DCBLD1: variants seen among roughly 807,000 people sequenced by gnomAD.
DCBLD1 encodes the protein discoidin, CUB and LCCL domain containing 1, also known as discoidin, CUB and LCCL domain-containing protein 1.
Under a neutral mutation model 71.5 loss-of-function variants are expected in DCBLD1, and 57 were observed. The ratio of observed to expected loss-of-function variants is 0.80; its 90% CI spans 0.64 to 0.99. The LOEUF is 0.99. Among genes scored for constraint, DCBLD1 ranks in the 50% least tolerant of loss-of-function variants. DCBLD1 has a pLI of 0.00. For missense variants in DCBLD1, 891 were observed against 923.5 expected (o/e 0.96, Z 0.46); for synonymous variants, 380 against 363.8 (o/e 1.04, Z -0.51).
At chr6:117,547,430 G>A (rs1386379042) in intron 14 of DCBLD1, among the ~76,000 whole-genome samples, 1 of 152,078 alleles carries the variant, frequency 6.6e-6, no homozygotes, top group Non-Finnish European at 1.5e-5. Context: ...CTCTATAAAT[G>A]GGAGCTCCTG....
chr6:117,561,430 G>T (rs1259898524), intron 14 of DCBLD1: 1 of 223,198 alleles, frequency 4.5e-6, no homozygotes, highest in Non-Finnish European at 9.0e-6. Flanking sequence ...AGAATAACAT[G>T]GTTTCATGTC....
chr6:117,547,995 A>C lies in DCBLD1; in HGVS notation c.1704A>C (p.Ala568=), dbSNP rs904721121. 2.0e-5 allele frequency: 31 copies of C among 1,550,400 alleles called. No individual in the cohort carries two copies. The highest frequency in any genetic ancestry group is 2.4e-5 in the Non-Finnish European group (28 of 1,146,930). The change falls in exon 15 of 15, where the codon GCA becomes GCC. Residue 568 remains alanine, a synonymous_variant. Coordinates refer to ENST00000338728, the MANE Select transcript of DCBLD1 (RefSeq NM_001366458.2). ...FRPMDTDAEE[A]GVSTDAGGHY... is the part of the protein sequence containing the mutation. ...CCATGGACACGGATGCCGAGGAGGC[A>C]GGGGTGAGCACCGATGCCGGCGGCC...
At chr6:117,503,172 GA>G (rs1335418944) in intron 1 of DCBLD1, among the ~76,000 whole-genome samples, 1 of 135,172 alleles carries the variant, frequency 7.4e-6, no homozygotes, top group African/African-American at 3.3e-5. Context: ...GTAGATCCTT[GA>G]CATTTTCTGA....
Position 117,548,809 on chromosome 6 carries a change from C to T in DCBLD1, c.*370C>T. ...AAGTTTGCTCTATCAGATTTTAGTT[C>T]TGCACAGAGGTTAAGTGGGAAAATG... On this transcript the variant is annotated 3_prime_UTR_variant, in exon 15 of 15. Transcript: ENST00000338728. 9.2e-7 allele frequency: 1 copy of T among 1,091,760 alleles called. No homozygotes were observed. Among genetic ancestry groups the T allele is most frequent in the Non-Finnish European group, 1.1e-6 (1 of 897,166 alleles). 67.6% of individuals were successfully genotyped at this position (1,091,760 alleles called of 1,614,324 possible).
intron 14 of DCBLD1, chr6:117,562,057 A>G (rs758396276): frequency 2.4e-5 from 5 of 206,538 alleles, no homozygotes; most frequent in Non-Finnish European, 4.0e-5. Flanking sequence ...CACCTCTTTA[A>G]TGCAATGTTG....
At chr6:117,531,655 A>G (rs1778723668) in intron 5 of DCBLD1, among the ~76,000 whole-genome samples, 1 of 152,168 alleles carries the variant, frequency 6.6e-6, no homozygotes, top group Non-Finnish European at 1.5e-5. Context: ...TCATCCCTCT[A>G]GGAACTTCGT....
chr6:117,566,791 T>C (rs1488267491), intron 14 of DCBLD1: 2 of 1,107,258 alleles, frequency 1.8e-6, no homozygotes, highest in Non-Finnish European at 2.5e-6. Flanking sequence ...TTCTGAGGCC[T>C]TCACATTTTA....
At chr6:117,552,500 C>A (rs148266915), downstream of DCBLD1, among the ~76,000 whole-genome samples, 273 of 152,204 alleles carry the variant, frequency 1.8e-3, 1 homozygote, top group African/African-American at 6.4e-3. Flanking sequence ...TCCTTTTTTA[C>A]TTTTTCACCA....
At chr6:117,519,213 C>T (rs1256349159) in intron 2 of DCBLD1, among the ~76,000 whole-genome samples, 3 of 152,126 alleles carry the variant, frequency 2.0e-5, no homozygotes. Flanking sequence ...ATTTTGGAAA[C>T]AATGTTATAC....
At position 117,537,235 on chromosome 6, in the gene DCBLD1, A is replaced by T. The variant is rs1778911873; in HGVS notation, c.760+10A>T. ...CTGTTTACCTCCAATGGTAAGGATCATGCTTTCCTTAAGAATTTGATATTT... is the reference window on the plus strand; with the variant it reads ...CTGTTTACCTCCAATGGTAAGGATCTTGCTTTCCTTAAGAATTTGATATTT... On this transcript the variant is annotated intron_variant, in intron 7 of 14. Transcript: ENST00000338728. 3 of 1,613,610 alleles carry T rather than the reference A, an allele frequency of 1.9e-6. No homozygotes were observed. Among genetic ancestry groups the T allele is most frequent in the Non-Finnish European group, 2.5e-6 (3 of 1,179,674 alleles).
chr6:117,562,557 C>G (rs769230522), intron 14 of DCBLD1: 1 of 202,616 alleles, frequency 4.9e-6, no homozygotes, highest in South Asian at 1.9e-4. Context: ...ATCTGCATTT[C>G]TTTTAAAAAA....
chr6:117,507,447 A>T (rs1777880306), intron 2 of DCBLD1, among the ~76,000 whole-genome samples: 1 of 152,206 alleles, frequency 6.6e-6, no homozygotes, highest in South Asian at 2.1e-4. Flanking sequence ...AATCCATTAG[A>T]AGAATGTACT....
intron 1 of DCBLD1, among the ~76,000 whole-genome samples, chr6:117,494,016 A>G (rs553271035): frequency 1.3e-5 from 2 of 152,336 alleles, no homozygotes; most frequent in African/African-American, 4.8e-5. Flanking sequence ...TTTAAAAACT[A>G]TCATTATCAG....
Position 117,548,210 on chromosome 6 carries a change from C to T in DCBLD1, c.1919C>T (p.Ser640Phe), listed in dbSNP as rs1320686311. The T allele has an allele frequency of 5.8e-6, 9 of 1,550,538 alleles. No homozygotes were observed. Among genetic ancestry groups the T allele is most frequent in the Admixed American group, 3.9e-5 (2 of 51,010 alleles). ...CACTCCCTCTCCTCGGGCGGCTTCT[C>T]CCCCGTAGCGGGTGTGGGCGCCCAG... Reference protein sequence around the residue: ...HKHSLSSGGFSPVAGVGAQDG... With the variant: ...HKHSLSSGGFFPVAGVGAQDG... The change falls in exon 15 of 15, where the codon TCC (serine) becomes TTC (phenylalanine). Residue 640 changes from serine to phenylalanine, a missense_variant. Coordinates refer to ENST00000338728, the MANE Select transcript of DCBLD1 (RefSeq NM_001366458.2).
intron 14 of DCBLD1, chr6:117,561,004 T>C (rs918645842): frequency 5.1e-5 from 11 of 215,652 alleles, no homozygotes; most frequent in African/African-American, 2.5e-4. Context: ...CCAAAAACCA[T>C]ACATTCTAAA....
At chr6:117,488,093 T>C (rs1215482426) in intron 1 of DCBLD1, among the ~76,000 whole-genome samples, 1 of 152,006 alleles carries the variant, frequency 6.6e-6, no homozygotes, top group Admixed American at 6.6e-5. Context: ...TTTTGTGGGA[T>C]TGTGGGGTAA....
At chr6:117,525,305 A>T (rs1778513521) in intron 4 of DCBLD1, 57 bp from the exon 5 acceptor site, 25 of 1,308,200 alleles carry the variant, frequency 1.9e-5, no homozygotes, top group Non-Finnish European at 2.5e-5. Context: ...AGTACAGTTT[A>T]ATTTTTTTGG....
intron 1 of DCBLD1, among the ~76,000 whole-genome samples, chr6:117,491,606 T>C (rs1777296215): frequency 6.6e-6 from 1 of 152,224 alleles, no homozygotes; most frequent in African/African-American, 2.4e-5. Context: ...AGTTTTTCTT[T>C]AATATCATCT....
chr6:117,516,143 G>A (rs210612), intron 2 of DCBLD1, among the ~76,000 whole-genome samples: 62,773 of 151,206 alleles, frequency 0.42, 13,586 homozygotes, highest in Non-Finnish European at 0.45. Flanking sequence ...CACGAGGTCC[G>A]GAGATCGAGA....
Sources: allele counts gnomAD v4.1 joint callset (sites outside exome capture counted in the v4.1 genomes callset), GRCh38; gene constraint gnomAD v4.1.1; transcripts MANE v1.5; gene names NCBI Gene and HGNC (gene_info 2026-07-23, HGNC 2026-07-21).